The following PIP5K1B variants were observed in gnomAD, a reference collection of about 807,000 sequenced individuals.
PIP5K1B encodes the protein phosphatidylinositol 4-phosphate 5-kinase type-1 beta.
In PIP5K1B, 42 loss-of-function variants were observed where a neutral mutation model predicts 67.0. That is an observed-to-expected ratio of 0.63 (90% CI 0.49 to 0.81). The LOEUF is 0.81. PIP5K1B is among the 30% of genes least tolerant of loss of function. The probability of loss-of-function intolerance (pLI) is 0.00; values close to 1 mark genes in which losing one functional copy is unlikely to be tolerated. For missense variants in PIP5K1B, 459 were observed against 646.3 expected (o/e 0.71, Z 3.14); for synonymous variants, 214 against 231.4 (o/e 0.92, Z 0.68).
At chr9:68,751,631 G>A (rs1416765502) in intron 2 of PIP5K1B, among the ~76,000 whole-genome samples, 1 of 152,204 alleles carries the variant, frequency 6.6e-6, no homozygotes, top group Non-Finnish European at 1.5e-5. Flanking sequence ...TCATTTTGTT[G>A]GTAGGGATTT....
chr9:68,749,853 T>C (rs10869263), intron 2 of PIP5K1B, among the ~76,000 whole-genome samples: 56,191 of 151,984 alleles, frequency 0.37, 10,610 homozygotes, highest in East Asian at 0.41. Context: ...CATTGCCACA[T>C]GTCAACTGGG....
At chr9:68,928,100 T>C (rs910352280) in intron 12 of PIP5K1B, among the ~76,000 whole-genome samples, 3 of 152,094 alleles carry the variant, frequency 2.0e-5, no homozygotes, top group Non-Finnish European at 4.4e-5. Context: ...AGAAAGTCGA[T>C]TGACCACAAT....
chr9:68,972,619 C>T (rs7858081), intron 14 of PIP5K1B, among the ~76,000 whole-genome samples: 10,014 of 152,008 alleles, frequency 0.066, 871 homozygotes, highest in African/African-American at 0.2. Flanking sequence ...CCATCCTGAG[C>T]GACAGAGCAA....
chr9:68,868,409 C>T (rs1016254297), intron 5 of PIP5K1B, among the ~76,000 whole-genome samples: 19 of 152,138 alleles, frequency 1.2e-4, no homozygotes, highest in Admixed American at 6.5e-5. Flanking sequence ...TATTATCTTT[C>T]ATCTTTATAA....
At chr9:68,709,243 C>CT (rs974586095) in intron 1 of PIP5K1B, among the ~76,000 whole-genome samples, 1 of 151,412 alleles carries the variant, frequency 6.6e-6, no homozygotes, top group African/African-American at 2.4e-5. Flanking sequence ...TTTCTCTTTA[C>CT]TTTTTTTTTG....
intron 2 of PIP5K1B, among the ~76,000 whole-genome samples, chr9:68,766,085 T>C (rs958442343): frequency 2.6e-5 from 4 of 152,148 alleles, no homozygotes; most frequent in South Asian, 2.1e-4. Flanking sequence ...TGTAGCTATA[T>C]AGAATGATAT....
At position 68,915,292 on chromosome 9, in the gene PIP5K1B, T is replaced by A. The variant is rs181075090; in HGVS notation, c.772-2256T>A. Among the ~76,000 whole-genome samples the A allele has an allele frequency of 6.7e-4, 102 of 151,944 alleles. No individual in the cohort carries two copies. The East Asian group carries it at 0.01, about 15-fold the overall frequency. ...GAGTAGGGAAGTTAGCATCTGCAAA[T>A]GGTCATTCATTGTGAAGAGTTGTTG... On this transcript the variant is annotated intron_variant, in intron 8 of 15. Transcript: ENST00000265382.
intron 1 of PIP5K1B, among the ~76,000 whole-genome samples, chr9:68,713,721 TA>T (rs1180412377): frequency 3.9e-5 from 6 of 152,292 alleles, no homozygotes; most frequent in East Asian, 1.9e-4. Context: ...AGATACAATA[TA>T]AAAAAGCTTT....
At chr9:68,843,931 A>G (rs760516005) in intron 4 of PIP5K1B, among the ~76,000 whole-genome samples, 3 of 152,268 alleles carry the variant, frequency 2.0e-5, no homozygotes, top group Non-Finnish European at 4.4e-5. Context: ...GGGAAGCTGG[A>G]TGTGTGGCTC....
At chr9:68,780,013 G>C (rs1249368538) in intron 2 of PIP5K1B, 2 of 1,041,704 alleles carry the variant, frequency 1.9e-6, no homozygotes, top group Admixed American at 3.7e-5. Context: ...TACGGACATC[G>C]CGAGCGCCTG....
chr9:68,935,135 G>A (rs1422426251), intron 13 of PIP5K1B, 90 bp downstream of exon 13: 2 of 1,043,976 alleles, frequency 1.9e-6, no homozygotes, highest in Non-Finnish European at 1.4e-6. Context: ...AAAAATACCT[G>A]CTCTAAGAAA....
At chr9:68,981,810 T>TC (rs1341285704) in intron 14 of PIP5K1B, among the ~76,000 whole-genome samples, 1 of 151,478 alleles carries the variant, frequency 6.6e-6, no homozygotes, top group Non-Finnish European at 1.5e-5. Flanking sequence ...TTTTTTTTTT[T>TC]CTGTAAATGA....
At position 68,922,231 on chromosome 9, in the gene PIP5K1B, G is replaced by A. The variant is rs190606898; in HGVS notation, c.1117-1071G>A. On this transcript the variant is annotated intron_variant, in intron 11 of 15. Coordinates refer to ENST00000265382, the MANE Select transcript of PIP5K1B (RefSeq NM_003558.4). ...TATAATCCCAGCATTTTGGGAGGCC[G>A]AGGAGGGCAGATCACTTGAGGTCAG... 5.9e-3 allele frequency among the ~76,000 whole-genome samples: 896 copies of A among 152,058 alleles called. 11 individuals are homozygous for A. The highest frequency in any genetic ancestry group is 0.021 in the African/African-American group (853 of 41,484).
At chr9:68,913,077 A>G (rs956713840) in intron 8 of PIP5K1B, among the ~76,000 whole-genome samples, 1 of 152,188 alleles carries the variant, frequency 6.6e-6, no homozygotes, top group South Asian at 2.1e-4. Flanking sequence ...CTACATTCCA[A>G]TGTTGTTATT....
chr9:69,000,087 G>A (rs1830753384), intron 15 of PIP5K1B, among the ~76,000 whole-genome samples: 1 of 152,106 alleles, frequency 6.6e-6, no homozygotes, highest in Admixed American at 6.6e-5. Context: ...CCTTCCCTCA[G>A]GTCCAAGTGT....
intron 6 of PIP5K1B, among the ~76,000 whole-genome samples, chr9:68,877,232 GT>G (rs1183224189): frequency 1.3e-5 from 2 of 152,178 alleles, no homozygotes; most frequent in East Asian, 3.8e-4. Flanking sequence ...AATCTGGATA[GT>G]TTTGTTCTCA....
chr9:68,930,709 TA>T (rs927243386), intron 12 of PIP5K1B, among the ~76,000 whole-genome samples: 2 of 152,044 alleles, frequency 1.3e-5, no homozygotes, highest in Non-Finnish European at 2.9e-5. Flanking sequence ...GGAATCAGTT[TA>T]AAATATAAAT....
In PIP5K1B at chr9:68,964,611, C is replaced by T. The variant is rs563037880; in HGVS notation, c.1502+23821C>T. Among the ~76,000 whole-genome samples, 22 of 152,256 alleles carry T rather than the reference C, an allele frequency of 1.4e-4. No individual in the cohort carries two copies. In the South Asian group the frequency reaches 4.6e-3, roughly 32 times the overall value. Reference sequence around the variant, plus strand: ...ATTCTTCTCCCCAAGAAAGCAGAATCAAAACCCATGCATGGAAGTTACAAA... The same window carrying T: ...ATTCTTCTCCCCAAGAAAGCAGAATTAAAACCCATGCATGGAAGTTACAAA... On this transcript the variant is annotated intron_variant, in intron 14 of 15. Coordinates refer to ENST00000265382, the MANE Select transcript of PIP5K1B (RefSeq NM_003558.4).
At chr9:68,725,040 C>T (rs1021637641) in intron 1 of PIP5K1B, among the ~76,000 whole-genome samples, 5 of 152,288 alleles carry the variant, frequency 3.3e-5, no homozygotes, top group Admixed American at 1.3e-4. Context: ...CTACAACACC[C>T]AGTGCAGAAT....
Sources: gnomAD v4.1 joint callset for allele counts (sites outside exome capture counted in the v4.1 genomes callset) on GRCh38, gnomAD v4.1.1 for gene constraint, MANE v1.5 for transcripts, NCBI Gene and HGNC (gene_info 2026-07-23, HGNC 2026-07-21) for gene names.